COL4A4: variants seen among roughly 807,000 people sequenced by gnomAD.
COL4A4 encodes the protein collagen type IV alpha 4 chain.
In COL4A4, 105 loss-of-function variants were observed where a neutral mutation model predicts 192.9. The ratio of observed to expected loss-of-function variants is 0.54; its 90% CI spans 0.46 to 0.64. The LOEUF (loss-of-function observed/expected upper bound fraction) is 0.64. Among genes scored for constraint, COL4A4 ranks in the 30% least tolerant of loss-of-function variants. The pLI is 0.00. For missense variants in COL4A4, 1,967 were observed against 2,169.3 expected, an observed-to-expected ratio of 0.91 and a Z score of 1.85; for synonymous variants, 762 against 769.9, an observed-to-expected ratio of 0.99 and a Z score of 0.17.
At chr2:227,091,464 G>GAT in intron 20 of COL4A4, among the ~76,000 whole-genome samples, 1 of 149,830 alleles carries the variant, frequency 6.7e-6, no homozygotes, top group African/African-American at 2.5e-5. Context: ...TTTTCTGACA[G>GAT]ATAGATAGAG....
At chr2:227,041,832 GAAAGAAAGAAAGAAAGAGAAAGAA>G (rs1559477659) in intron 37 of COL4A4, among the ~76,000 whole-genome samples, 1 of 47,398 alleles carries the variant, frequency 2.1e-5, no homozygotes, top group Non-Finnish European at 3.8e-5. Context: ...AAGAAAGAAA[GAAAGAAAGAAAGAAAGAGAAAGAA>G]AGAAAGAAAG....
chr2:227,136,715 G>C (rs2062836883), intron 4 of COL4A4, among the ~76,000 whole-genome samples: 1 of 152,182 alleles, frequency 6.6e-6, no homozygotes, highest in African/African-American at 2.4e-5. Flanking sequence ...TTTAGACATA[G>C]CAGTTTTGAT....
At chr2:227,033,889 T>A (rs1371450655) in intron 37 of COL4A4, among the ~76,000 whole-genome samples, 2 of 98,144 alleles carry the variant, frequency 2.0e-5, no homozygotes, top group Non-Finnish European at 4.0e-5. Flanking sequence ...CACTGCACCC[T>A]CCTAGGGGCT....
rs6741899 is a variant in COL4A4, at chr2:227,100,891, A to T, written c.1029+613T>A. Among the ~76,000 whole-genome samples, 1,440 of 148,894 alleles carry T rather than the reference A, an allele frequency of 9.7e-3. 26 individuals are homozygous for T. The highest frequency in any genetic ancestry group is 0.034 in the African/African-American group (1,357 of 40,342). ...GTGATCTCAGCTCACTGCAAGCTCC[A>T]CCTCCCAGGTTCATGCCATTCTCCT... On this transcript the variant is annotated intron_variant, in intron 17 of 47. Coordinates refer to ENST00000396625, the MANE Select transcript of COL4A4 (RefSeq NM_000092.5).
chr2:227,014,023 G>A (rs185249588), intron 44 of COL4A4, among the ~76,000 whole-genome samples: 1 of 152,322 alleles, frequency 6.6e-6, no homozygotes, highest in African/African-American at 2.4e-5. Flanking sequence ...TTGCAAGCTA[G>A]CAAGAATCGA....
chr2:227,019,259 A>G (rs1490867812), intron 44 of COL4A4, among the ~76,000 whole-genome samples: 4 of 152,238 alleles, frequency 2.6e-5, no homozygotes, highest in African/African-American at 9.6e-5. Context: ...TGCCTTGCTA[A>G]GAAACGTTCT....
intron 17 of COL4A4, among the ~76,000 whole-genome samples, 169 bp from the exon 18 acceptor site, chr2:227,099,858 A>G (rs2060411253): frequency 1.3e-5 from 2 of 152,246 alleles, no homozygotes; most frequent in Non-Finnish European, 2.9e-5. Flanking sequence ...GCAAAGATGC[A>G]TCTAATCTCT....
Position 227,103,197 on chromosome 2 carries a change from C to T in COL4A4, c.817G>A (p.Gly273Ser), listed in dbSNP as rs762043158. 2 of 1,610,496 alleles carry T rather than the reference C, an allele frequency of 1.2e-6. No homozygotes were observed. Among genetic ancestry groups the T allele is most frequent in the East Asian group, 2.2e-5 (1 of 44,836 alleles). The change falls in exon 14 of 48, where the codon GGT (glycine) becomes AGT (serine). Residue 273 changes from glycine to serine, a missense_variant and splice_region_variant. Coordinates refer to ENST00000396625, the MANE Select transcript of COL4A4 (RefSeq NM_000092.5). The stretch of plus-strand genomic sequence containing the variant: ...ACCATTCCAGGAATTCCTTTTATAC[C>T]CTAAAAATTACAATGAATATAATTT... ...PDFCLYKGEK[G>S]IKGIPGMVGL...
intron 4 of COL4A4, among the ~76,000 whole-genome samples, chr2:227,130,355 G>T (rs2062369308): frequency 6.6e-6 from 1 of 152,202 alleles, no homozygotes; most frequent in Non-Finnish European, 1.5e-5. Flanking sequence ...CAGGCCATTG[G>T]AGAAGGGTTT....
chr2:227,127,697 A>G (rs906383875), intron 4 of COL4A4, among the ~76,000 whole-genome samples: 7 of 152,212 alleles, frequency 4.6e-5, no homozygotes, highest in African/African-American at 1.7e-4. Flanking sequence ...ATGGGGAATG[A>G]CAAAAATCTA....
intron 19 of COL4A4, among the ~76,000 whole-genome samples, chr2:227,096,736 TAGG>T (rs1444796321): frequency 1.3e-5 from 2 of 152,150 alleles, no homozygotes. Context: ...AGCTTGCAAG[TAGG>T]AGAAATTGGA....
At position 227,059,547 on chromosome 2, in the gene COL4A4, G is replaced by C. The variant is rs374510402; in HGVS notation, c.2241C>G (p.Pro747=). The C allele has an allele frequency of 8.7e-6, 14 of 1,613,858 alleles. No homozygotes were observed. The highest frequency in any genetic ancestry group is 2.2e-5 in the South Asian group (2 of 91,072). The stretch of plus-strand genomic sequence containing the variant: ...TCTGACCATTCACTCCTGGTGAGCC[G>C]GGAGGGCCTGGGGGCCCAACAGGGG... ...GSSPVGPPGP[P]GSPGVNGQKG... is the part of the protein sequence containing the mutation. Residue 747 remains proline (P), a synonymous_variant, in exon 28 of 48, where the codon CCC becomes CCG. Transcript: ENST00000396625.
At chr2:227,162,004 C>G (rs965449382) in intron 1 of COL4A4, among the ~76,000 whole-genome samples, 19 of 151,866 alleles carry the variant, frequency 1.3e-4, no homozygotes, top group Middle Eastern at 3.4e-3. Flanking sequence ...AGGGTTTTTG[C>G]TATCTCATTA....
At chr2:227,101,369 G>T in intron 17 of COL4A4, 135 bp downstream of exon 17, 1 of 743,294 alleles carries the variant, frequency 1.3e-6, no homozygotes, top group Non-Finnish European at 2.2e-6. Context: ...TGTAACAATT[G>T]AATAAAAAAT....
the COL4A4 span, among the ~76,000 whole-genome samples, chr2:226,976,292 C>T: frequency 5.4e-5 from 8 of 147,356 alleles, no homozygotes; most frequent in African/African-American, 2.0e-4. Flanking sequence ...GATATGCCCA[C>T]CCCCCTGGAG....
intron 25 of COL4A4, among the ~76,000 whole-genome samples, chr2:227,066,517 T>C (rs1332520103): frequency 4.6e-5 from 7 of 152,304 alleles, no homozygotes; most frequent in African/African-American, 1.4e-4. Context: ...CAGTGGATCT[T>C]TCGGCAGAAA....
At chr2:227,114,573 G>T in intron 8 of COL4A4, 55 bp downstream of exon 8, 1 of 1,346,688 alleles carries the variant, frequency 7.4e-7, no homozygotes, top group Non-Finnish European at 1.1e-6. Flanking sequence ...TTCCTGCATG[G>T]GCTTACCTAT....
Position 227,060,119 on chromosome 2 carries a change from A to AAAAAAAC in COL4A4, c.2164+10_2164+16dup. 7.2e-7 allele frequency: 1 copy of AAAAAAAC among 1,391,168 alleles called. No homozygotes were observed. 86.2% of individuals were successfully genotyped at this position (1,391,168 alleles called of 1,614,324 possible). A position where few individuals can be genotyped will look rare whatever the true frequency, so the allele number is the denominator to read the frequency against. On this transcript the variant is annotated intron_variant, in intron 27 of 47. Transcript: ENST00000396625. ...CAAAGCAGAAAAAAAAAAAAAAAAA[A>AAAAAAAC]AAAAAACCTCACTGACCAGGTGGAC...
At position 227,101,859 on chromosome 2, in the gene COL4A4, A is replaced by C. The variant is rs2060542909; in HGVS notation, c.975+6T>G. On this transcript the variant is annotated splice_donor_region_variant and intron_variant, in intron 16 of 47. Coordinates refer to ENST00000396625, the MANE Select transcript of COL4A4 (RefSeq NM_000092.5). The stretch of plus-strand genomic sequence containing the variant: ...ATTTATTATCTCTATAATGAGGTAC[A>C]TTTACCTTTAATCCTGGAAAACCTG... 1 of 1,579,802 alleles carries C rather than the reference A, an allele frequency of 6.3e-7. No individual in the cohort carries two copies. Among genetic ancestry groups the C allele is most frequent in the Non-Finnish European group, 8.7e-7 (1 of 1,155,574 alleles).
Sources: gnomAD v4.1 joint callset for allele counts (sites outside exome capture counted in the v4.1 genomes callset) on GRCh38, gnomAD v4.1.1 for gene constraint, MANE v1.5 for transcripts, NCBI Gene and HGNC (gene_info 2026-07-23, HGNC 2026-07-21) for gene names.